The following GRM5 variants were observed in gnomAD, a reference collection of about 807,000 sequenced individuals.
GRM5 encodes metabotropic glutamate receptor 5.
A neutral mutation model predicts 83.1 loss-of-function variants in GRM5; 19 were observed. That is an observed-to-expected ratio of 0.23 (90% CI 0.16 to 0.34). The LOEUF is 0.34. GRM5 is among the 10% of genes least tolerant of loss of function. The probability of loss-of-function intolerance (pLI) is 1.00; values close to 1 mark genes in which losing one functional copy is unlikely to be tolerated. For synonymous variants in GRM5, 675 were observed against 633.6 expected, an observed-to-expected ratio of 1.07 and a Z score of -0.98; for missense variants, 1,160 against 1,588.3, an observed-to-expected ratio of 0.73 and a Z score of 4.58.
intron 3 of GRM5, among the ~76,000 whole-genome samples, chr11:88,775,982 T>C (rs932433786): frequency 6.6e-6 from 1 of 152,190 alleles, no homozygotes; most frequent in Non-Finnish European, 1.5e-5. Context: ...TGAGTTCAGG[T>C]CCTGGATATC....
At chr11:88,884,106 A>G (rs1435165197) in intron 2 of GRM5, among the ~76,000 whole-genome samples, 1 of 152,076 alleles carries the variant, frequency 6.6e-6, no homozygotes, top group Non-Finnish European at 1.5e-5. Flanking sequence ...AGATACACCT[A>G]TAGCTTGCAC....
chr11:88,680,663 A>G lies in GRM5; in HGVS notation c.912-27260T>C, dbSNP rs1940456378. ...CCAAAGGATTATAAATCATGCTGCT[A>G]TAAAGACACAGGCACACGTATGTTA... On this transcript the variant is annotated intron_variant, in intron 3 of 9. Transcript: ENST00000305447. Among the ~76,000 whole-genome samples the G allele has an allele frequency of 2.0e-5, 3 of 152,330 alleles. No homozygotes were observed. The South Asian group carries it at 6.2e-4, about 32-fold the overall frequency.
At chr11:89,033,381 A>T (rs1369612223) in intron 2 of GRM5, among the ~76,000 whole-genome samples, 5 of 151,926 alleles carry the variant, frequency 3.3e-5, no homozygotes, top group Admixed American at 3.3e-4. Flanking sequence ...TTACATATTC[A>T]AGCTGAATTA....
intron 2 of GRM5, among the ~76,000 whole-genome samples, chr11:88,892,203 A>C (rs1945157268): frequency 7.2e-6 from 1 of 139,034 alleles, no homozygotes; most frequent in African/African-American, 2.8e-5. Context: ...AAAACTGGTT[A>C]TTTTATCAAA....
intron 2 of GRM5, among the ~76,000 whole-genome samples, chr11:89,028,689 CA>C (rs1941188863): frequency 6.6e-6 from 1 of 152,120 alleles, no homozygotes; most frequent in Non-Finnish European, 1.5e-5. Flanking sequence ...AATAAACACA[CA>C]ATGTAATGAT....
chr11:88,689,860 G>T lies in GRM5; in HGVS notation c.912-36457C>A, dbSNP rs555924366. Among the ~76,000 whole-genome samples the T allele has an allele frequency of 3.7e-3, 563 of 152,206 alleles. 3 individuals carry two copies. Among genetic ancestry groups the T allele is most frequent in the African/African-American group, 0.013 (536 of 41,534 alleles). ...CAGACACTATCTAAGACTAAGCCAGGGGGGTATAAACAGGCCTGATCTCTT... is the reference window on the plus strand; with the variant it reads ...CAGACACTATCTAAGACTAAGCCAGTGGGGTATAAACAGGCCTGATCTCTT... On this transcript the variant is annotated intron_variant, in intron 3 of 9. Transcript: ENST00000305447.
intron 2 of GRM5, among the ~76,000 whole-genome samples, chr11:89,015,695 T>A (rs1199922276): frequency 6.6e-6 from 1 of 152,162 alleles, no homozygotes; most frequent in East Asian, 1.9e-4. Flanking sequence ...TGCCAAGTAC[T>A]TTGGAGGATG....
intron 2 of GRM5, among the ~76,000 whole-genome samples, chr11:88,864,031 G>A (rs1944615355): frequency 6.7e-6 from 1 of 150,158 alleles, no homozygotes; most frequent in African/African-American, 2.5e-5. Context: ...TGTCATTTCT[G>A]TTTTGCTGTA....
intron 8 of GRM5, among the ~76,000 whole-genome samples, chr11:88,528,644 C>G (rs921638381): frequency 6.6e-6 from 1 of 152,048 alleles, no homozygotes; most frequent in Non-Finnish European, 1.5e-5. Flanking sequence ...CCCATACACT[C>G]ATACTTGTAA....
At chr11:88,757,676 A>G (rs2126741) in intron 3 of GRM5, among the ~76,000 whole-genome samples, 75,376 of 151,766 alleles carry the variant, frequency 0.5, 22,636 homozygotes, top group Non-Finnish European at 0.7. Context: ...TGTCTCCCCC[A>G]CTGCTACGAA....
intron 3 of GRM5, among the ~76,000 whole-genome samples, chr11:88,818,244 T>A (rs1943724996): frequency 6.6e-6 from 1 of 152,120 alleles, no homozygotes; most frequent in Admixed American, 6.6e-5. Flanking sequence ...ACACCACATT[T>A]GGTTTACTTG....
intron 5 of GRM5, among the ~76,000 whole-genome samples, chr11:88,601,366 C>T (rs980869831): frequency 6.6e-6 from 1 of 151,824 alleles, no homozygotes; most frequent in African/African-American, 2.4e-5. Context: ...CTTTCCTGCC[C>T]TATTTTGGGC....
chr11:89,008,417 T>G (rs1940590391), intron 2 of GRM5, among the ~76,000 whole-genome samples: 1 of 152,168 alleles, frequency 6.6e-6, no homozygotes, highest in Non-Finnish European at 1.5e-5. Flanking sequence ...ACAAGGACTA[T>G]TCCTGCAAAA....
intron 3 of GRM5, among the ~76,000 whole-genome samples, chr11:88,725,559 G>A (rs942678899): frequency 1.3e-5 from 2 of 152,280 alleles, no homozygotes; most frequent in African/African-American, 4.8e-5. Context: ...GCCTCCTCAA[G>A]TGGGTCCCTG....
At chr11:89,033,612 T>A (rs903901592) in intron 2 of GRM5, among the ~76,000 whole-genome samples, 2 of 151,948 alleles carry the variant, frequency 1.3e-5, no homozygotes, top group Non-Finnish European at 2.9e-5. Flanking sequence ...CCTCTTCAAA[T>A]TTTTAAATTG....
intron 4 of GRM5, among the ~76,000 whole-genome samples, chr11:88,634,630 C>G (rs1939069285): frequency 6.6e-6 from 1 of 152,136 alleles, no homozygotes; most frequent in Non-Finnish European, 1.5e-5. Context: ...CCTATGATAA[C>G]AATACTTTCT....
intron 3 of GRM5, among the ~76,000 whole-genome samples, chr11:88,729,550 A>G (rs1265910051): frequency 1.3e-5 from 2 of 152,230 alleles, no homozygotes; most frequent in Non-Finnish European, 2.9e-5. Context: ...ATGGAACCAT[A>G]AAAGAGCCCA....
chr11:88,512,931 C>T (rs1292652737), intron 9 of GRM5, among the ~76,000 whole-genome samples: 2 of 152,178 alleles, frequency 1.3e-5, no homozygotes, highest in Admixed American at 6.5e-5. Context: ...GGTTCTTTCT[C>T]TTTTACCTGA....
intron 3 of GRM5, among the ~76,000 whole-genome samples, chr11:88,696,457 C>T (rs533481186): frequency 6.6e-6 from 1 of 152,164 alleles, no homozygotes; most frequent in Non-Finnish European, 1.5e-5. Context: ...CTCTACCCAG[C>T]ACTTCCCTGC....
Sources: allele counts gnomAD v4.1 joint callset (sites outside exome capture counted in the v4.1 genomes callset), GRCh38; gene constraint gnomAD v4.1.1; transcripts MANE v1.5; gene names NCBI Gene and HGNC (gene_info 2026-07-23, HGNC 2026-07-21).